The following CHRM5 variants were observed in gnomAD, a reference collection of about 807,000 sequenced individuals.
The protein encoded by CHRM5 is muscarinic acetylcholine receptor M5.
Under a neutral mutation model 39.0 loss-of-function variants are expected in CHRM5, and 18 were observed. The ratio of observed to expected loss-of-function variants is 0.46; its 90% CI spans 0.32 to 0.68. The LOEUF (loss-of-function observed/expected upper bound fraction) is 0.68. Among genes scored for constraint, CHRM5 ranks in the 30% least tolerant of loss-of-function variants. CHRM5 has a pLI of 0.04. For synonymous variants in CHRM5, 241 were observed against 246.3 expected, an observed-to-expected ratio of 0.98 and a Z score of 0.20; for missense variants, 515 against 651.1, an observed-to-expected ratio of 0.79 and a Z score of 2.28.
chr15:34,030,408 C>T (rs1343834837), intron 1 of CHRM5, among the ~76,000 whole-genome samples: 1 of 151,512 alleles, frequency 6.6e-6, no homozygotes, highest in African/African-American at 2.4e-5. Flanking sequence ...TGCAGTGGCG[C>T]AATCTCGCTT....
chr15:34,009,957 G>A (rs1320865327), intron 1 of CHRM5, among the ~76,000 whole-genome samples: 1 of 152,042 alleles, frequency 6.6e-6, no homozygotes, highest in East Asian at 1.9e-4. Context: ...GTGAAACCCT[G>A]TCTCTTAAAA....
chr15:34,000,592 A>C (rs1320335605), intron 1 of CHRM5, among the ~76,000 whole-genome samples: 1 of 152,226 alleles, frequency 6.6e-6, no homozygotes, highest in Admixed American at 6.5e-5. Context: ...GTACACTAGA[A>C]AGCAGAATTG....
intron 1 of CHRM5, among the ~76,000 whole-genome samples, chr15:34,023,778 TA>T (rs1314520299): frequency 1.3e-5 from 2 of 152,140 alleles, no homozygotes; most frequent in Non-Finnish European, 2.9e-5. Flanking sequence ...TGCTAGCAAC[TA>T]AAAAGACCTA....
chr15:33,999,009 T>C (rs1897042296), intron 1 of CHRM5, among the ~76,000 whole-genome samples: 1 of 152,236 alleles, frequency 6.6e-6, no homozygotes, highest in Non-Finnish European at 1.5e-5. Context: ...GCCTGCTCCA[T>C]GTCGCCTATT....
chr15:34,040,531 A>G (rs563150461), intron 1 of CHRM5, among the ~76,000 whole-genome samples: 49 of 152,336 alleles, frequency 3.2e-4, no homozygotes, highest in Non-Finnish European at 5.6e-4. Context: ...CATACTTCTC[A>G]TATCACTTCA....
At chr15:33,979,158 G>A (rs182557379) in intron 1 of CHRM5, among the ~76,000 whole-genome samples, 2 of 152,232 alleles carry the variant, frequency 1.3e-5, no homozygotes, top group Admixed American at 1.3e-4. Context: ...AACCACAGAA[G>A]AGTCACCTCG....
intron 1 of CHRM5, chr15:34,039,036 T>C: frequency 9.0e-7 from 1 of 1,111,360 alleles, no homozygotes; most frequent in Non-Finnish European, 1.1e-6. Context: ...AGCTCCTCGC[T>C]CCGCCTGCAT....
chr15:33,995,776 C>G (rs140619918), intron 1 of CHRM5, among the ~76,000 whole-genome samples: 268 of 152,330 alleles, frequency 1.8e-3, no homozygotes, highest in African/African-American at 5.9e-3. Flanking sequence ...ATGCAGAAGA[C>G]AGTGATTTCT....
At chr15:34,027,762 C>CA (rs888398657) in intron 1 of CHRM5, among the ~76,000 whole-genome samples, 2 of 135,882 alleles carry the variant, frequency 1.5e-5, no homozygotes, top group Admixed American at 1.5e-4. Context: ...GAGAGTTTGT[C>CA]AAAAACAATC....
chr15:34,034,077 G>A (rs942670032), intron 1 of CHRM5, among the ~76,000 whole-genome samples: 3 of 152,140 alleles, frequency 2.0e-5, no homozygotes, highest in East Asian at 1.9e-4. Flanking sequence ...GAGCCACTGC[G>A]CCCAGCCTAA....
chr15:34,051,435 G>C (rs1282617871), intron 2 of CHRM5, among the ~76,000 whole-genome samples: 1 of 152,146 alleles, frequency 6.6e-6, no homozygotes, highest in Non-Finnish European at 1.5e-5. Context: ...AAAAGAACTA[G>C]AGAATCAAGA....
intron 1 of CHRM5, among the ~76,000 whole-genome samples, chr15:33,984,765 C>T (rs1009711447): frequency 1.3e-5 from 2 of 152,076 alleles, no homozygotes; most frequent in Non-Finnish European, 2.9e-5. Context: ...CCCAGGACTT[C>T]GGTCTTTAAA....
At chr15:33,984,229 C>T (rs533689747) in intron 1 of CHRM5, among the ~76,000 whole-genome samples, 5 of 152,044 alleles carry the variant, frequency 3.3e-5, no homozygotes, top group South Asian at 2.1e-4. Flanking sequence ...AGAAAGTACA[C>T]GGAAATTCAC....
At chr15:33,973,307 G>A (rs1895719156) in intron 1 of CHRM5, among the ~76,000 whole-genome samples, 1 of 152,170 alleles carries the variant, frequency 6.6e-6, no homozygotes, top group South Asian at 2.1e-4. Context: ...GCTATTTATA[G>A]AATTTTTTGG....
chr15:33,968,963 T>G lies in CHRM5; in HGVS notation c.-595T>G, dbSNP rs1490840803. ...CTATAATCCTATCCAAATGGAGTCT[T>G]CATCTACCGCATACTATCCTAACTA... On this transcript the variant is annotated 5_prime_UTR_variant, in exon 1 of 3. Coordinates refer to ENST00000383263, the MANE Select transcript of CHRM5 (RefSeq NM_012125.4). 6.6e-6 allele frequency: 1 copy of G among 152,042 alleles called. No homozygotes were observed. Among genetic ancestry groups the G allele is most frequent in the Non-Finnish European group, 1.5e-5 (1 of 67,952 alleles). 9.4% of individuals were successfully genotyped at this position (152,042 alleles called of 1,614,324 possible).
intron 1 of CHRM5, among the ~76,000 whole-genome samples, chr15:33,999,111 G>A (rs955714612): frequency 6.6e-6 from 1 of 152,186 alleles, no homozygotes. Context: ...GACCAATATG[G>A]ATTACAACTT....
At chr15:34,052,011 C>A (rs1204001110) in intron 2 of CHRM5, among the ~76,000 whole-genome samples, 3 of 152,144 alleles carry the variant, frequency 2.0e-5, no homozygotes, top group African/African-American at 7.2e-5. Context: ...CCAGCATCAT[C>A]CTGATACCAA....
At chr15:34,038,949 G>A (rs1211979696) in intron 1 of CHRM5, 2 of 1,102,534 alleles carry the variant, frequency 1.8e-6, no homozygotes, top group Non-Finnish European at 1.1e-6. Flanking sequence ...GGCTACCGCC[G>A]CTGCGGCTCC....
intron 1 of CHRM5, among the ~76,000 whole-genome samples, chr15:33,971,518 A>C (rs1172298317): frequency 1.3e-5 from 2 of 152,114 alleles, no homozygotes; most frequent in African/African-American, 4.8e-5. Flanking sequence ...GTGTATGTTG[A>C]CATAACAATC....
Sources: gnomAD v4.1 joint callset for allele counts (sites outside exome capture counted in the v4.1 genomes callset) on GRCh38, gnomAD v4.1.1 for gene constraint, MANE v1.5 for transcripts, NCBI Gene and HGNC (gene_info 2026-07-23, HGNC 2026-07-21) for gene names.